CPE: variants seen among roughly 807,000 people sequenced by gnomAD.
CPE encodes carbocypeptidase E.
A neutral mutation model predicts 53.5 loss-of-function variants in CPE; 17 were observed. That is an observed-to-expected ratio of 0.32 (90% CI 0.22 to 0.48). CPE has a LOEUF of 0.48. CPE is among the 20% of genes least tolerant of loss of function. CPE has a pLI of 0.99. For missense variants in CPE, 524 were observed against 614.7 expected (o/e 0.85, Z 1.56); for synonymous variants, 226 against 228.8 (o/e 0.99, Z 0.11).
intron 1 of CPE, among the ~76,000 whole-genome samples, chr4:165,459,307 A>T (rs1731953537): frequency 6.6e-6 from 1 of 152,216 alleles, no homozygotes; most frequent in Admixed American, 6.5e-5. Context: ...ATTTATTCTT[A>T]TCTTATTCTG....
Position 165,419,965 on chromosome 4 carries a change from C to CT in CPE, c.307+40444dup, listed in dbSNP as rs1731180982. Among the ~76,000 whole-genome samples, 10 of 152,130 alleles carry CT rather than the reference C, an allele frequency of 6.6e-5. 1 individual carries two copies. In the South Asian group the frequency reaches 1.9e-3, roughly 28 times the overall value. On this transcript the variant is annotated intron_variant, in intron 1 of 8. Coordinates refer to ENST00000402744, the MANE Select transcript of CPE (RefSeq NM_001873.4). ...ATTTTTAAACATAGATTTAGAATGC[C>CT]TTTTTTTCAAATATGAAAATAAAAG...
At chr4:165,494,985 T>C (rs932841043) in intron 7 of CPE, among the ~76,000 whole-genome samples, 1 of 152,216 alleles carries the variant, frequency 6.6e-6, no homozygotes, top group African/African-American at 2.4e-5. Context: ...ATGCAGAACC[T>C]GGGAGCTGGA....
At chr4:165,453,320 C>CTTCCTTCCTTCT (rs1731845725) in intron 1 of CPE, among the ~76,000 whole-genome samples, 1 of 148,790 alleles carries the variant, frequency 6.7e-6, no homozygotes, top group Non-Finnish European at 1.5e-5. Context: ...TCCTTCCTTC[C>CTTCCTTCCTTCT]TTCCTTCCTT....
chr4:165,492,180 A>C (rs1305313440), intron 6 of CPE, among the ~76,000 whole-genome samples: 1 of 152,208 alleles, frequency 6.6e-6, no homozygotes, highest in African/African-American at 2.4e-5. Flanking sequence ...TTTCAATGGC[A>C]GCTCTCCCAT....
intron 1 of CPE, among the ~76,000 whole-genome samples, chr4:165,414,023 A>T (rs1037940428): frequency 6.6e-6 from 1 of 152,230 alleles, no homozygotes; most frequent in African/African-American, 2.4e-5. Flanking sequence ...GAGCTCGCTT[A>T]TAGCACACTG....
intron 1 of CPE, among the ~76,000 whole-genome samples, chr4:165,436,996 T>C (rs141993445): frequency 0.01 from 1,548 of 152,334 alleles, 21 homozygotes; most frequent in African/African-American, 0.035. Context: ...GATTACCCAG[T>C]GAAGTCTAGG....
intron 1 of CPE, among the ~76,000 whole-genome samples, chr4:165,423,340 CATAA>C (rs1331782927): frequency 6.6e-6 from 1 of 151,816 alleles, no homozygotes; most frequent in Non-Finnish European, 1.5e-5. Context: ...CACACTATTT[CATAA>C]ATAAACTATT....
intron 3 of CPE, among the ~76,000 whole-genome samples, chr4:165,474,199 C>T (rs944699315): frequency 3.3e-5 from 5 of 152,192 alleles, no homozygotes; most frequent in Non-Finnish European, 5.9e-5. Context: ...TCTCTATCCT[C>T]CTTATTATGC....
chr4:165,443,052 G>T (rs1731641924), intron 1 of CPE, among the ~76,000 whole-genome samples: 1 of 152,134 alleles, frequency 6.6e-6, no homozygotes, highest in African/African-American at 2.4e-5. Context: ...ATGAATAGTT[G>T]AGGGAACCCA....
Position 165,471,086 on chromosome 4 carries a change from C to G in CPE, c.672+3231C>G, listed in dbSNP as rs376437696. Among the ~76,000 whole-genome samples the G allele has an allele frequency of 2.0e-5, 3 of 152,228 alleles. 1 individual carries two copies. ...TAGTTTATTAGATTTAGAAGAATGT[C>G]AAAATGAAATAAGGGAGTGAGGACA... is the stretch of plus-strand genomic sequence containing the variant. On this transcript the variant is annotated intron_variant, in intron 3 of 8. Transcript: ENST00000402744.
chr4:165,453,270 T>G (rs1337820917), intron 1 of CPE, among the ~76,000 whole-genome samples: 4 of 151,924 alleles, frequency 2.6e-5, no homozygotes, highest in Non-Finnish European at 5.9e-5. Context: ...TTTCTTATTT[T>G]CTTTCTTTCT....
At chr4:165,453,731 G>A (rs1731853448) in intron 1 of CPE, among the ~76,000 whole-genome samples, 1 of 151,978 alleles carries the variant, frequency 6.6e-6, no homozygotes, top group Non-Finnish European at 1.5e-5. Context: ...CTTCATGAAC[G>A]TCCTCTTGTG....
At chr4:165,495,698 C>G in intron 8 of CPE, 21 bp downstream of exon 8, 1 of 1,446,912 alleles carries the variant, frequency 6.9e-7, no homozygotes, top group African/African-American at 1.4e-5. Flanking sequence ...ATAATAATAG[C>G]CAAACGCTAT....
At chr4:165,396,931 T>C (rs925425368) in intron 1 of CPE, among the ~76,000 whole-genome samples, 6 of 150,394 alleles carry the variant, frequency 4.0e-5, no homozygotes, top group Non-Finnish European at 8.9e-5. Flanking sequence ...TGTGGTGGTA[T>C]GCTCCTGTAG....
In CPE at chr4:165,490,055, TG is replaced by T. The variant is rs1199885888; in HGVS notation, c.1113+2479del. On this transcript the variant is annotated intron_variant, in intron 6 of 8. Coordinates refer to ENST00000402744, the MANE Select transcript of CPE (RefSeq NM_001873.4). ...AATCAGTGAGGGCTGCCAGAAGTTC[TG>T]TGTTGTAATTGTTGTCTTGACAATG... 7.2e-5 allele frequency among the ~76,000 whole-genome samples: 11 copies of T among 152,350 alleles called. No individual in the cohort carries two copies. In the South Asian group the frequency reaches 1.7e-3, roughly 23 times the overall value.
At chr4:165,495,765 T>A in intron 8 of CPE, 88 bp downstream of exon 8, 1 of 909,356 alleles carries the variant, frequency 1.1e-6, no homozygotes, top group Non-Finnish European at 1.7e-6. Context: ...ATATTTAATC[T>A]TCGTACTAGC....
At chr4:165,425,510 A>G (rs1227072040) in intron 1 of CPE, among the ~76,000 whole-genome samples, 1 of 152,178 alleles carries the variant, frequency 6.6e-6, no homozygotes, top group East Asian at 1.9e-4. Context: ...CTGTTTAGGA[A>G]AACAGAAAAT....
In CPE at chr4:165,379,637, C is replaced by A. The variant is rs1254606056; in HGVS notation, c.307+109C>A. ...GGGAGGGATGGGCCCAGGGGTGCCT[C>A]TTGGTAAAAGGTATCTAAGGTGGAA... On this transcript the variant is annotated intron_variant, in intron 1 of 8. Transcript: ENST00000402744. The surrounding 1 kb of genome is among the most constrained non-coding windows in gnomAD (Gnocchi z 6.0). 3.7e-6 allele frequency: 4 copies of A among 1,083,806 alleles called. No homozygotes were observed. The East Asian group carries it at 1.1e-4, about 31-fold the overall frequency. The allele number at this position is 1,083,806 out of a possible 1,614,324, so 67.1% of individuals were successfully genotyped here. A position where few individuals can be genotyped will look rare whatever the true frequency, so the allele number is the denominator to read the frequency against.
intron 1 of CPE, among the ~76,000 whole-genome samples, chr4:165,390,251 G>A (rs1331802540): frequency 6.6e-6 from 1 of 152,138 alleles, no homozygotes; most frequent in Non-Finnish European, 1.5e-5. Context: ...TCCACCCTAG[G>A]CTGGTCGTGT....
Sources: allele counts gnomAD v4.1 joint callset (sites outside exome capture counted in the v4.1 genomes callset), GRCh38; gene constraint gnomAD v4.1.1; non-coding constraint Gnocchi (gnomAD v3.1); transcripts MANE v1.5; gene names NCBI Gene and HGNC (gene_info 2026-07-23, HGNC 2026-07-21).